The following DPP9 variants were observed in gnomAD, a reference collection of about 807,000 sequenced individuals.
DPP9 encodes dipeptidyl peptidase IV-related protein-2.
A neutral mutation model predicts 110.7 loss-of-function variants in DPP9; 50 were observed. The observed-to-expected ratio is 0.45, with a 90% CI of 0.36 to 0.57. DPP9 has a LOEUF of 0.57. Among genes scored for constraint, DPP9 ranks in the 20% least tolerant of loss-of-function variants. DPP9 has a pLI of 0.00. For missense variants in DPP9, 1,022 were observed against 1,217.9 expected (o/e 0.84, Z 2.39); for synonymous variants, 561 against 514.4 (o/e 1.09, Z -1.23).
At chr19:4,722,876 C>A in intron 1 of DPP9, 1 of 298,790 alleles carries the variant, frequency 3.3e-6, no homozygotes, top group South Asian at 4.7e-5. Context: ...CTCCTGGGGC[C>A]CCTGGGGAAG....
chr19:4,690,793 G>A, intron 14 of DPP9, 85 bp downstream of exon 14: 1 of 1,012,978 alleles, frequency 9.9e-7, no homozygotes. Context: ...GTATGTGTGT[G>A]TATGCGCGTG....
chr19:4,701,849 T>C (rs1029477086), intron 9 of DPP9, among the ~76,000 whole-genome samples, 178 bp downstream of exon 9: 6 of 152,172 alleles, frequency 3.9e-5, no homozygotes, highest in Admixed American at 2.0e-4. Flanking sequence ...CCGGTGGCCA[T>C]GGTAAGCCAG....
rs1270330037 is a variant in DPP9, at chr19:4,714,154, C to A, written c.240G>T (p.Lys80Asn). Residue 80 changes from lysine (K) to asparagine (N), a missense_variant, in exon 4 of 22, where the codon AAG becomes AAT. Transcript: ENST00000262960. ...SRKYSGLIVN[K>N]APHDFQFVQK... is the part of the protein sequence containing the mutation. The stretch of plus-strand genomic sequence containing the variant: ...GCACAAACTGGAAGTCGTGGGGCGC[C>A]TTGTTGACAATGAGGCCCGAGTACT... The A allele has an allele frequency of 6.2e-7, 1 of 1,613,078 alleles. No individual in the cohort carries two copies. Among genetic ancestry groups the A allele is most frequent in the African/African-American group, 1.3e-5 (1 of 74,898 alleles).
At chr19:4,679,000 C>T (rs2089343374) in intron 21 of DPP9, among the ~76,000 whole-genome samples, 1 of 152,134 alleles carries the variant, frequency 6.6e-6, no homozygotes, top group East Asian at 1.9e-4. Flanking sequence ...AGTTGAAAAT[C>T]CAGCCGAAGC....
At chr19:4,722,117 C>A in intron 2 of DPP9, 1 of 221,508 alleles carries the variant, frequency 4.5e-6, no homozygotes, top group Non-Finnish European at 8.9e-6. Context: ...GTCAACTAAA[C>A]AAGATACTCA....
At chr19:4,680,537 C>A (rs1337712357) in intron 20 of DPP9, among the ~76,000 whole-genome samples, 1 of 151,610 alleles carries the variant, frequency 6.6e-6, no homozygotes, top group Non-Finnish European at 1.5e-5. Flanking sequence ...CATGGCAAAA[C>A]CTCATCTCTA....
At chr19:4,677,422 C>T (rs1568295870) in intron 21 of DPP9, among the ~76,000 whole-genome samples, 1 of 152,180 alleles carries the variant, frequency 6.6e-6, no homozygotes, top group Admixed American at 6.5e-5. Flanking sequence ...CCATCTACGC[C>T]ACCTCCTGCC....
intron 3 of DPP9, among the ~76,000 whole-genome samples, chr19:4,716,497 C>CGTG (rs1160039876): frequency 6.6e-6 from 1 of 151,958 alleles, no homozygotes; most frequent in East Asian, 1.9e-4. Context: ...ATTAGCCGGG[C>CGTG]GTGGTAGCGG....
chr19:4,695,564 G>A lies in DPP9; in HGVS notation c.1176-9C>T, dbSNP rs1319856792. 1 of 1,462,726 alleles carries A rather than the reference G, an allele frequency of 6.8e-7. No homozygotes were observed. Among genetic ancestry groups the A allele is most frequent in the Non-Finnish European group, 9.0e-7 (1 of 1,108,800 alleles). 90.6% of individuals were successfully genotyped at this position (1,462,726 alleles called of 1,614,324 possible). A position where few individuals can be genotyped will look rare whatever the true frequency, so the allele number is the denominator to read the frequency against. ...GGAACATGGCCCAGGCGCTAAGGGG[G>A]AAGATGCGGGGGAAGATGAGAGGGA... On this transcript the variant is annotated splice_polypyrimidine_tract_variant and intron_variant, in intron 11 of 21. Transcript: ENST00000262960. The surrounding 1 kb of genome is among the most constrained non-coding windows in gnomAD (Gnocchi z 4.7).
chr19:4,705,016 A>G (rs960402906), intron 5 of DPP9, among the ~76,000 whole-genome samples: 1 of 152,018 alleles, frequency 6.6e-6, no homozygotes, highest in Non-Finnish European at 1.5e-5. Flanking sequence ...AAGCAGAATC[A>G]AAAGCAAAAT....
At chr19:4,719,693 C>G (rs1330193050) in intron 3 of DPP9, 158 bp downstream of exon 3, 1 of 866,928 alleles carries the variant, frequency 1.2e-6, no homozygotes, top group East Asian at 2.7e-5. Flanking sequence ...CACTACGCCA[C>G]ACTGCCTCCT....
intron 20 of DPP9, 41 bp from the exon 21 acceptor site, chr19:4,679,987 C>T: frequency 4.0e-6 from 6 of 1,483,776 alleles, no homozygotes; most frequent in Non-Finnish European, 5.6e-6. Flanking sequence ...CAGGGATTGT[C>T]CGTGGGGTAG....
intron 3 of DPP9, among the ~76,000 whole-genome samples, chr19:4,716,506 G>A (rs547396807): frequency 1.3e-5 from 2 of 152,132 alleles, no homozygotes; most frequent in African/African-American, 2.4e-5. Context: ...GCGTGGTAGC[G>A]GGCGCCTGTA....
chr19:4,676,479 G>T lies in DPP9; in HGVS notation c.*85C>A. On this transcript the variant is annotated 3_prime_UTR_variant, in exon 22 of 22. Coordinates refer to ENST00000262960, the MANE Select transcript of DPP9 (RefSeq NM_139159.5). The surrounding 1 kb of genome is among the most constrained non-coding windows in gnomAD (Gnocchi z 4.0). ...GGGACAAAGTGCCTCACTGGGGCCC[G>T]CGGGCCACTCAGTCCCTCCCGCCTG... 8.1e-7 allele frequency: 1 copy of T among 1,233,660 alleles called. No homozygotes were observed. Among genetic ancestry groups the T allele is most frequent in the Non-Finnish European group, 1.2e-6 (1 of 861,494 alleles). The allele number at this position is 1,233,660 out of a possible 1,614,324, so 76.4% of individuals were successfully genotyped here.
At chr19:4,712,935 A>G (rs2092902447) in intron 4 of DPP9, among the ~76,000 whole-genome samples, 1 of 152,184 alleles carries the variant, frequency 6.6e-6, no homozygotes, top group Non-Finnish European at 1.5e-5. Context: ...GGGCTGCAGC[A>G]CACGCGGGCC....
chr19:4,691,265 G>A (rs2091289376), intron 13 of DPP9, among the ~76,000 whole-genome samples: 1 of 152,084 alleles, frequency 6.6e-6, no homozygotes, highest in South Asian at 2.1e-4. Flanking sequence ...CTTGAGGCCA[G>A]GAGTTTGAGA....
rs929157235 is a variant in DPP9, at chr19:4,694,689, A to G, written c.1488T>C (p.Asp496=). ...VTAVLKSQGY[D]WSEPFSPGED... ...CCCCGGGGCTGAAGGGCTCACTCCA[A>G]TCGTAGCCCTGGGATTTTAAAACGG... Residue 496 remains aspartate, a synonymous_variant, in exon 13 of 22, where the codon GAT becomes GAC. Coordinates refer to ENST00000262960, the MANE Select transcript of DPP9 (RefSeq NM_139159.5). This position sits in a 1 kb window ranked among gnomAD's most constrained non-coding sequence, Gnocchi z 4.0. The G allele has an allele frequency of 3.8e-5, 61 of 1,612,518 alleles. No individual in the cohort carries two copies. The highest frequency in any genetic ancestry group is 1.6e-4 in the East Asian group (7 of 44,878).
intron 11 of DPP9, among the ~76,000 whole-genome samples, chr19:4,696,154 G>C (rs999966046): frequency 3.3e-5 from 5 of 152,132 alleles, no homozygotes; most frequent in African/African-American, 9.7e-5. Context: ...GCCAGCCCCA[G>C]CCTCCCAAAG....
chr19:4,682,152 C>T lies in DPP9; in HGVS notation c.2474+544G>A, dbSNP rs1461321444. On this transcript the variant is annotated intron_variant, in intron 20 of 21. Coordinates refer to ENST00000262960, the MANE Select transcript of DPP9 (RefSeq NM_139159.5). This position sits in a 1 kb window ranked among gnomAD's most constrained non-coding sequence, Gnocchi z 7.1. ...AGTGAGCCACCGCGCCCGGCCCATGCCCAGGCAGATTTTTAACCCCCTAGG... is the reference window on the plus strand; with the variant it reads ...AGTGAGCCACCGCGCCCGGCCCATGTCCAGGCAGATTTTTAACCCCCTAGG... Among the ~76,000 whole-genome samples, 1 of 152,088 alleles carries T rather than the reference C, an allele frequency of 6.6e-6. No homozygotes were observed. Among genetic ancestry groups the T allele is most frequent in the Non-Finnish European group, 1.5e-5 (1 of 68,002 alleles).
Sources: gnomAD v4.1 joint callset for allele counts (sites outside exome capture counted in the v4.1 genomes callset) on GRCh38, gnomAD v4.1.1 for gene constraint, Gnocchi (gnomAD v3.1) non-coding constraint, MANE v1.5 for transcripts, NCBI Gene and HGNC (gene_info 2026-07-23, HGNC 2026-07-21) for gene names.